Variants in EGFR observed in about 807,000 individuals in gnomAD.
EGFR encodes epidermal growth factor receptor.
In EGFR, 58 loss-of-function variants were observed where a neutral mutation model predicts 143.0. That is an observed-to-expected ratio of 0.41 (90% CI 0.33 to 0.50). The LOEUF (loss-of-function observed/expected upper bound fraction) is 0.50, where lower values mean the gene tolerates loss of function less well. Ranked by LOEUF, EGFR falls within the 20% of genes least tolerant of loss-of-function variation. The pLI, the probability that EGFR is intolerant of heterozygous loss-of-function variation, is 0.39. For synonymous variants in EGFR, 613 were observed against 594.4 expected (o/e 1.03, Z -0.45); for missense variants, 1,307 against 1,579.0 (o/e 0.83, Z 2.92).
At chr7:55,102,360 A>G (rs1228562393) in intron 1 of EGFR, among the ~76,000 whole-genome samples, 1 of 152,122 alleles carries the variant, frequency 6.6e-6, no homozygotes, top group Non-Finnish European at 1.5e-5. Flanking sequence ...TCCACTCCAC[A>G]TTCTCCTGGT....
At chr7:55,094,285 C>T (rs1168467147) in intron 1 of EGFR, among the ~76,000 whole-genome samples, 1 of 152,184 alleles carries the variant, frequency 6.6e-6, no homozygotes, top group African/African-American at 2.4e-5. Flanking sequence ...GTCATCCACG[C>T]AGCTGCCTGG....
intron 1 of EGFR, among the ~76,000 whole-genome samples, chr7:55,081,261 G>T (rs1790447208): frequency 6.6e-6 from 1 of 152,224 alleles, no homozygotes. Flanking sequence ...AGAAGGAACT[G>T]TATTGTTTGG....
rs1015743691 is a variant in EGFR at position 55,206,227 on chromosome 7, C to A, written c.*610C>A. ...AGTAGGATAAGCCACTCTGTCCCTT[C>A]CTGGGCAAAGAAGAAACGGAGGGGA... On this transcript the variant is annotated 3_prime_UTR_variant, in exon 28 of 28. Coordinates refer to ENST00000275493, the MANE Select transcript of EGFR (RefSeq NM_005228.5). 4.2e-6 allele frequency: 1 copy of A among 237,550 alleles called. No individual in the cohort carries two copies. The highest frequency in any genetic ancestry group is 2.2e-5 in the African/African-American group (1 of 45,338). 14.7% of individuals were successfully genotyped at this position (237,550 alleles called of 1,614,324 possible). A position where few individuals can be genotyped will look rare whatever the true frequency, so the allele number is the denominator to read the frequency against.
At chr7:55,104,632 T>C (rs73342782) in intron 1 of EGFR, among the ~76,000 whole-genome samples, 8,603 of 152,236 alleles carry the variant, frequency 0.057, 826 homozygotes, top group African/African-American at 0.19. Flanking sequence ...TTAGTGGAAA[T>C]ATGTCGGCGT....
chr7:55,115,433 A>G (rs1792777062), intron 1 of EGFR, among the ~76,000 whole-genome samples: 1 of 152,206 alleles, frequency 6.6e-6, no homozygotes, highest in Non-Finnish European at 1.5e-5. Flanking sequence ...TGCTATTTTC[A>G]TGAGTTCGTT....
chr7:55,040,805 A>G (rs983640942), intron 1 of EGFR, among the ~76,000 whole-genome samples: 1 of 152,240 alleles, frequency 6.6e-6, no homozygotes, highest in African/African-American at 2.4e-5. Flanking sequence ...TACTCAATTA[A>G]CTAGGTAAGA....
chr7:55,053,928 GAGACAGTGATGATTTCTTC>G (rs1343200264), intron 1 of EGFR, among the ~76,000 whole-genome samples: 1 of 152,224 alleles, frequency 6.6e-6, no homozygotes, highest in African/African-American at 2.4e-5. Flanking sequence ...CGATTGTCAG[GAGACAGTGATGATTTCTTC>G]AGTCTCTGAG....
intron 24 of EGFR, 139 bp downstream of exon 24, chr7:55,200,552 C>A (rs1193186639): frequency 1.3e-5 from 11 of 877,222 alleles, no homozygotes; most frequent in African/African-American, 3.3e-5. Context: ...TTAGAGCAAG[C>A]CTCAGTAAGG....
intron 17 of EGFR, 150 bp downstream of exon 17, chr7:55,173,274 AG>A (rs1786442717): frequency 2.5e-6 from 3 of 1,197,262 alleles, no homozygotes; most frequent in Non-Finnish European, 3.5e-6. Flanking sequence ...AGTTATACCC[AG>A]TTGGTGACAT....
intron 1 of EGFR, among the ~76,000 whole-genome samples, chr7:55,031,922 C>G (rs1787271968): frequency 6.6e-6 from 1 of 152,178 alleles, no homozygotes; most frequent in South Asian, 2.1e-4. Flanking sequence ...TGTCTTCTTT[C>G]ACTAGGTGAC....
chr7:55,199,325 T>C (rs1043441762), intron 23 of EGFR, among the ~76,000 whole-genome samples: 3 of 152,270 alleles, frequency 2.0e-5, no homozygotes, highest in African/African-American at 7.2e-5. Flanking sequence ...CATTTAAACA[T>C]TTCAATCTAA....
Position 55,173,097 on chromosome 7 carries a change from G to A in EGFR, c.2034G>A (p.Thr678=), listed in dbSNP as rs780214453. 22 of 1,611,738 alleles carry A rather than the reference G, an allele frequency of 1.4e-5. No individual in the cohort carries two copies. The highest frequency in any genetic ancestry group is 8.3e-5 in the Admixed American group (5 of 60,008). ...GGCGCCACATCGTTCGGAAGCGCACGCTGCGGAGGCTGCTGCAGGAGAGGG... is the reference window on the plus strand; with the variant it reads ...GGCGCCACATCGTTCGGAAGCGCACACTGCGGAGGCTGCTGCAGGAGAGGG... The part of the protein sequence containing the change: ...MRRRHIVRKR[T]LRRLLQEREL... Residue 678 remains threonine, a synonymous_variant, in exon 17 of 28, where the codon ACG becomes ACA. Coordinates refer to ENST00000275493, the MANE Select transcript of EGFR (RefSeq NM_005228.5).
At chr7:55,137,340 C>A (rs541744304) in intron 1 of EGFR, among the ~76,000 whole-genome samples, 53 of 152,228 alleles carry the variant, frequency 3.5e-4, no homozygotes, top group African/African-American at 1.2e-3. Context: ...TTTACTTAGA[C>A]GATTCTAAGT....
At chr7:55,117,434 T>C (rs960761255) in intron 1 of EGFR, among the ~76,000 whole-genome samples, 3 of 152,152 alleles carry the variant, frequency 2.0e-5, no homozygotes, top group Non-Finnish European at 2.9e-5. Context: ...TAGCATGTTA[T>C]AGGTAAGCTG....
intron 23 of EGFR, among the ~76,000 whole-genome samples, chr7:55,199,512 T>G (rs1787757865): frequency 6.6e-6 from 1 of 152,046 alleles, no homozygotes; most frequent in African/African-American, 2.4e-5. Flanking sequence ...GGCCACAGAG[T>G]TGATCTTTTT....
At chr7:55,126,980 G>A (rs1793562491) in intron 1 of EGFR, among the ~76,000 whole-genome samples, 1 of 152,066 alleles carries the variant, frequency 6.6e-6, no homozygotes, top group South Asian at 2.1e-4. Context: ...AAATAATAAG[G>A]AATAGACTTG....
intron 1 of EGFR, among the ~76,000 whole-genome samples, chr7:55,115,980 G>C (rs1055883000): frequency 1.3e-5 from 2 of 152,190 alleles, no homozygotes; most frequent in Non-Finnish European, 2.9e-5. Flanking sequence ...TTTGAAACAA[G>C]TGTTCCTAGG....
At chr7:55,191,239 A>C (rs1031801876) in intron 20 of EGFR, among the ~76,000 whole-genome samples, 15 of 152,136 alleles carry the variant, frequency 9.9e-5, no homozygotes, top group African/African-American at 3.6e-4. Flanking sequence ...ACAGGACAAA[A>C]ATCTTCATAG....
At chr7:55,171,891 CT>C (rs1786367752) in intron 16 of EGFR, among the ~76,000 whole-genome samples, 1 of 152,240 alleles carries the variant, frequency 6.6e-6, no homozygotes, top group Non-Finnish European at 1.5e-5. Flanking sequence ...TCTGCCATCT[CT>C]GGTAACATTT....
Sources: allele counts gnomAD v4.1 joint callset (sites outside exome capture counted in the v4.1 genomes callset), GRCh38; gene constraint gnomAD v4.1.1; transcripts MANE v1.5; gene names NCBI Gene and HGNC (gene_info 2026-07-23, HGNC 2026-07-21).